The following ZNF462 variants were observed in gnomAD, a reference collection of about 807,000 sequenced individuals.
ZNF462 encodes zinc finger protein 462, also known as zinc finger PBX1-interacting protein.
Under a neutral mutation model 201.9 loss-of-function variants are expected in ZNF462, and 10 were observed. The observed-to-expected ratio is 0.05, with a 90% CI of 0.03 to 0.08. The LOEUF is 0.08. ZNF462 is among the 10% of genes least tolerant of loss of function. The pLI is 1.00. For synonymous variants in ZNF462, 1,227 were observed against 1,193.3 expected, an observed-to-expected ratio of 1.03 and a Z score of -0.58; for missense variants, 2,523 against 3,168.3, an observed-to-expected ratio of 0.80 and a Z score of 4.89.
intron 1 of ZNF462, among the ~76,000 whole-genome samples, chr9:106,894,415 G>A (rs549525963): frequency 3.9e-5 from 6 of 152,302 alleles, no homozygotes; most frequent in African/African-American, 1.2e-4. Context: ...TCCATAACAC[G>A]ATATAACAGA....
Position 107,003,818 on chromosome 9 carries a change from T to C in ZNF462, c.7189+392T>C, listed in dbSNP as rs1438355198. Among the ~76,000 whole-genome samples, 3 of 152,104 alleles carry C rather than the reference T, an allele frequency of 2.0e-5. No homozygotes were observed. The highest frequency in any genetic ancestry group is 2.9e-5 in the Non-Finnish European group (2 of 68,024). On this transcript the variant is annotated intron_variant, in intron 11 of 12. Transcript: ENST00000277225. This position sits in a 1 kb window ranked among gnomAD's most constrained non-coding sequence, Gnocchi z 4.4. ...TTGAATGCATATTTAAAATTGCTGCTGGGGCACACACTGCTGGAACTGTAG... is the reference window on the plus strand; with the variant it reads ...TTGAATGCATATTTAAAATTGCTGCCGGGGCACACACTGCTGGAACTGTAG...
chr9:106,929,411 G>A lies in ZNF462; in HGVS notation c.5499G>A (p.Glu1833=), dbSNP rs1830335254. ...EEERGNFEKA[E]VEGEAQEIEW... ...AGAGAGGCAACTTTGAGAAAGCCGA[G>A]GTGGAGGGTGAAGCTCAGGAAATCG... Residue 1833 remains glutamate, a synonymous_variant, in exon 3 of 13, where the codon GAG becomes GAA. Transcript: ENST00000277225. This position sits in a 1 kb window ranked among gnomAD's most constrained non-coding sequence, Gnocchi z 8.7. The A allele has an allele frequency of 1.2e-6, 2 of 1,614,076 alleles. No individual in the cohort carries two copies. Among genetic ancestry groups the A allele is most frequent in the South Asian group, 1.1e-5 (1 of 91,078 alleles).
At position 106,925,656 on chromosome 9, in the gene ZNF462, C is replaced by T. The variant is rs1449084590; in HGVS notation, c.1744C>T (p.Pro582Ser). 1.9e-6 allele frequency: 3 copies of T among 1,614,052 alleles called. No homozygotes were observed. The highest frequency in any genetic ancestry group is 1.7e-5 in the Admixed American group (1 of 60,020). Residue 582 changes from proline to serine, a missense_variant, in exon 3 of 13, where the codon CCA becomes TCA. Physicochemically the swap from Pro to Ser is moderately conservative, Grantham distance 74 (BLOSUM62 -1). Coordinates refer to ENST00000277225, the MANE Select transcript of ZNF462 (RefSeq NM_021224.6). This position sits in a 1 kb window ranked among gnomAD's most constrained non-coding sequence, Gnocchi z 7.9. Reference sequence around the variant, plus strand: ...GGTGCCACCCCAGCCACAAACACAGCCACCACCAACGCAGCAGCCACAGCC... The same window carrying T: ...GGTGCCACCCCAGCCACAAACACAGTCACCACCAACGCAGCAGCCACAGCC... ...HQVPPQPQTQ[P>S]PPTQQPQPPT...
At chr9:106,979,037 GGGGACTCCCTTCTTA>G (rs1827221567) in intron 9 of ZNF462, 1 of 186,386 alleles carries the variant, frequency 5.4e-6, no homozygotes, top group Admixed American at 6.3e-5. Context: ...TAATACAATA[GGGGACTCCCTTCTTA>G]GGACTCAGGG....
intron 1 of ZNF462, among the ~76,000 whole-genome samples, chr9:106,916,744 T>C (rs1829789977): frequency 1.3e-5 from 2 of 152,228 alleles, no homozygotes; most frequent in African/African-American, 4.8e-5. Flanking sequence ...TGAAAGGACA[T>C]GATGAGCTGG....
chr9:106,891,185 A>C (rs1199069292), intron 1 of ZNF462, among the ~76,000 whole-genome samples: 3 of 152,240 alleles, frequency 2.0e-5, no homozygotes, highest in Admixed American at 2.0e-4. Flanking sequence ...AAGAGACAAA[A>C]AAGAAAAATG....
At position 106,974,416 on chromosome 9, in the gene ZNF462, CA is replaced by C; in HGVS notation, c.6832+144del. On this transcript the variant is annotated intron_variant, in intron 9 of 12. Transcript: ENST00000277225. The surrounding 1 kb of genome is among the most constrained non-coding windows in gnomAD (Gnocchi z 4.0). ...TCAGGCAAGAAACCACAGTGATAAC[CA>C]CAGTGACAGCCAAAAGGGCAAAAAC... The C allele has an allele frequency of 7.6e-7, 1 of 1,323,142 alleles. No individual in the cohort carries two copies. The highest frequency in any genetic ancestry group is 1.2e-5 in the South Asian group (1 of 83,028). The allele number at this position is 1,323,142 out of a possible 1,614,324, so 82.0% of individuals were successfully genotyped here.
At position 106,923,748 on chromosome 9, in the gene ZNF462, A is replaced by C. The variant is rs1830078151; in HGVS notation, c.220+145A>C. 9.2e-6 allele frequency: 7 copies of C among 758,040 alleles called. No individual in the cohort carries two copies. The highest frequency in any genetic ancestry group is 1.5e-5 in the Non-Finnish European group (7 of 472,410). 47.0% of individuals were successfully genotyped at this position (758,040 alleles called of 1,614,324 possible). A position where few individuals can be genotyped will look rare whatever the true frequency, so the allele number is the denominator to read the frequency against. ...CATTTTTGTGGTTTGGGCATCATGT[A>C]TCTCTCCTTGAGTACCTTAGGTTTT... On this transcript the variant is annotated intron_variant, in intron 2 of 12. Coordinates refer to ENST00000277225, the MANE Select transcript of ZNF462 (RefSeq NM_021224.6). This position sits in a 1 kb window ranked among gnomAD's most constrained non-coding sequence, Gnocchi z 5.6.
intron 10 of ZNF462, among the ~76,000 whole-genome samples, chr9:106,987,537 G>T (rs963839245): frequency 6.6e-6 from 1 of 151,932 alleles, no homozygotes; most frequent in African/African-American, 2.4e-5. Context: ...TGATTTGTTT[G>T]ATTTCATTGT....
intron 7 of ZNF462, among the ~76,000 whole-genome samples, chr9:106,945,055 G>A (rs1224254149): frequency 6.6e-6 from 1 of 152,000 alleles, no homozygotes; most frequent in East Asian, 1.9e-4. Flanking sequence ...TGAGATGATT[G>A]GGGGGAATAA....
intron 10 of ZNF462, among the ~76,000 whole-genome samples, chr9:106,999,733 G>A (rs1333108727): frequency 6.6e-6 from 1 of 152,138 alleles, no homozygotes; most frequent in Non-Finnish European, 1.5e-5. Flanking sequence ...TAGGTAGTTG[G>A]ACTTTAAATG....
chr9:106,900,869 G>A (rs896128673), intron 1 of ZNF462, among the ~76,000 whole-genome samples: 3 of 152,076 alleles, frequency 2.0e-5, no homozygotes, highest in Admixed American at 6.6e-5. Flanking sequence ...TCCTTTTGCT[G>A]TGCAAAAGCT....
chr9:106,865,599 T>C lies in ZNF462; in HGVS notation c.-31+2244T>C, dbSNP rs1326184230. On this transcript the variant is annotated intron_variant, in intron 1 of 12. Coordinates refer to ENST00000277225, the MANE Select transcript of ZNF462 (RefSeq NM_021224.6). This position sits in a 1 kb window ranked among gnomAD's most constrained non-coding sequence, Gnocchi z 4.1. ...TTTGTATGTTAGGCCTTCTTTCAGT[T>C]TCTTTGTTTCCCCTTTCCCTTTCCG... Among the ~76,000 whole-genome samples, 1 of 152,238 alleles carries C rather than the reference T, an allele frequency of 6.6e-6. No homozygotes were observed. The highest frequency in any genetic ancestry group is 1.5e-5 in the Non-Finnish European group (1 of 68,048).
chr9:106,863,112 G>C (rs1401636100), upstream of ZNF462: 1 of 311,402 alleles, frequency 3.2e-6, no homozygotes, highest in Non-Finnish European at 5.9e-6. Context: ...GGGAGGGAGG[G>C]AGAGAGAGAG....
At chr9:106,953,716 A>C (rs1160537294) in intron 7 of ZNF462, among the ~76,000 whole-genome samples, 1 of 152,114 alleles carries the variant, frequency 6.6e-6, no homozygotes, top group Non-Finnish European at 1.5e-5. Flanking sequence ...TTCCAGTGCT[A>C]ACCTCTCATG....
rs1400380085 is a variant in ZNF462 at position 106,905,053 on chromosome 9, C to T, written c.-30-18301C>T. Among the ~76,000 whole-genome samples the T allele has an allele frequency of 6.6e-6, 1 of 152,068 alleles. No homozygotes were observed. The highest frequency in any genetic ancestry group is 6.5e-5 in the Admixed American group (1 of 15,280). On this transcript the variant is annotated intron_variant, in intron 1 of 12. Transcript: ENST00000277225. This position sits in a 1 kb window ranked among gnomAD's most constrained non-coding sequence, Gnocchi z 5.9. ...TGGTTTCTTCTCATTTGGGTAGGCT[C>T]TGTCAGAGGGAAGGTCTATGGCTGA...
chr9:106,944,669 T>C (rs1831026273), intron 7 of ZNF462, among the ~76,000 whole-genome samples: 1 of 152,170 alleles, frequency 6.6e-6, no homozygotes, highest in African/African-American at 2.4e-5. Flanking sequence ...CTAGAACTTG[T>C]TTCTCCTATC....
intron 7 of ZNF462, among the ~76,000 whole-genome samples, chr9:106,969,429 T>G (rs977907314): frequency 6.6e-6 from 1 of 152,170 alleles, no homozygotes; most frequent in Non-Finnish European, 1.5e-5. Context: ...TAATATGCAA[T>G]AGGCCCTAGA....
At chr9:106,863,111 GGAGA>G (rs138922616), upstream of ZNF462, 29 of 378,618 alleles carry the variant, frequency 7.7e-5, no homozygotes, top group Non-Finnish European at 1.3e-4. Flanking sequence ...AGGGAGGGAG[GGAGA>G]GAGAGAGAGA....
Sources: gnomAD v4.1 joint callset for allele counts (sites outside exome capture counted in the v4.1 genomes callset) on GRCh38, gnomAD v4.1.1 for gene constraint, Gnocchi (gnomAD v3.1) non-coding constraint, MANE v1.5 for transcripts, NCBI Gene and HGNC (gene_info 2026-07-23, HGNC 2026-07-21) for gene names.